The following GCNT2 variants were observed in gnomAD, a reference collection of about 807,000 sequenced individuals.
GCNT2 encodes glucosaminyl (N-acetyl) transferase 2 (I blood group).
In GCNT2, 34 loss-of-function variants were observed where a neutral mutation model predicts 34.2. That is an observed-to-expected ratio of 1.00 (90% CI 0.76 to 1.32). The LOEUF (loss-of-function observed/expected upper bound fraction) is 1.32. Among genes scored for constraint, GCNT2 ranks in the 40% most tolerant of loss-of-function variants. GCNT2 has a pLI of 0.00. For missense variants in GCNT2, 584 were observed against 489.4 expected (o/e 1.19, Z -1.82); for synonymous variants, 212 against 188.0 (o/e 1.13, Z -1.04).
intron 3 of GCNT2, among the ~76,000 whole-genome samples, chr6:10,563,756 GAAAAAAAAAA>G (rs55761102): frequency 2.5e-4 from 14 of 55,814 alleles, no homozygotes; most frequent in South Asian, 1.2e-3. Context: ...AAAGAAAAAA[GAAAAAAAAAA>G]AAAAAAAAAA....
intron 3 of GCNT2, among the ~76,000 whole-genome samples, chr6:10,619,886 C>T (rs1031496810): frequency 1.3e-5 from 2 of 152,214 alleles, no homozygotes; most frequent in Admixed American, 6.5e-5. Context: ...CACTCACATT[C>T]CTGGCTGGTG....
intron 3 of GCNT2, among the ~76,000 whole-genome samples, chr6:10,588,915 AG>A (rs1764485235): frequency 1.7e-5 from 1 of 57,806 alleles, no homozygotes; most frequent in Admixed American, 1.9e-4. Context: ...GTGTGTGTGT[AG>A]TGTGTGGTGT....
At chr6:10,610,726 T>C (rs1765511591) in intron 3 of GCNT2, among the ~76,000 whole-genome samples, 1 of 152,134 alleles carries the variant, frequency 6.6e-6, no homozygotes, top group African/African-American at 2.4e-5. Context: ...TGCAAGAAAG[T>C]ATTTGAATAA....
intron 3 of GCNT2, among the ~76,000 whole-genome samples, chr6:10,588,882 GT>G (rs1561821632): frequency 6.9e-6 from 1 of 145,190 alleles, no homozygotes; most frequent in Non-Finnish European, 1.5e-5. Flanking sequence ...GGGTATGTGT[GT>G]TTGTAGCGTG....
chr6:10,533,275 G>A (rs917120928), intron 3 of GCNT2, among the ~76,000 whole-genome samples: 3 of 151,808 alleles, frequency 2.0e-5, no homozygotes, highest in African/African-American at 4.8e-5. Context: ...CACTGCACTC[G>A]CGTCTGGGCG....
At chr6:10,622,191 G>T (rs1766063850) in intron 4 of GCNT2, among the ~76,000 whole-genome samples, 1 of 152,204 alleles carries the variant, frequency 6.6e-6, no homozygotes, top group Non-Finnish European at 1.5e-5. Flanking sequence ...TTTTGTGAAG[G>T]AGAGTTTTTA....
intron 3 of GCNT2, among the ~76,000 whole-genome samples, chr6:10,580,386 C>G (rs1273592593): frequency 1.3e-5 from 2 of 152,220 alleles, no homozygotes; most frequent in African/African-American, 4.8e-5. Context: ...CCTTCACCAG[C>G]TTCCCGCACT....
Position 10,529,215 on chromosome 6 carries a change from A to G in GCNT2, c.304A>G (p.Thr102Ala), listed in dbSNP as rs1176102906. Residue 102 changes from threonine (T) to alanine (A), a missense_variant, in exon 3 of 5, where the codon ACC becomes GCC. Physicochemically the swap from Thr to Ala is moderately conservative, Grantham distance 58 (BLOSUM62 0). Coordinates refer to ENST00000495262, the MANE Select transcript of GCNT2 (RefSeq NM_145649.5). ...EAGFPLAYTV[T>A]IHKDFGTFER... ...TGGGTTCCCTTTAGCTTACACAGTGACCATCCACAAAGACTTCGGCACTTT... is the reference window on the plus strand; with the variant it reads ...TGGGTTCCCTTTAGCTTACACAGTGGCCATCCACAAAGACTTCGGCACTTT... 6.2e-7 allele frequency: 1 copy of G among 1,614,208 alleles called. No individual in the cohort carries two copies. The highest frequency in any genetic ancestry group is 1.7e-5 in the Admixed American group (1 of 60,018).
chr6:10,545,754 A>C (rs1383872325), intron 3 of GCNT2, among the ~76,000 whole-genome samples: 1 of 152,134 alleles, frequency 6.6e-6, no homozygotes, highest in Non-Finnish European at 1.5e-5. Context: ...AATCAGGCAA[A>C]AGCCAGCAGT....
intron 3 of GCNT2, among the ~76,000 whole-genome samples, chr6:10,533,927 T>A (rs1036029480): frequency 6.6e-6 from 1 of 151,532 alleles, no homozygotes; most frequent in African/African-American, 2.4e-5. Context: ...TCATTGCTGG[T>A]GCAGTGGTCA....
chr6:10,557,493 CTT>C (rs34815041), intron 3 of GCNT2: 1,630 of 547,670 alleles, frequency 3.0e-3, no homozygotes, highest in Admixed American at 4.3e-3. Flanking sequence ...GAAAGATGTT[CTT>C]TTTTTTTTTT....
At chr6:10,574,149 C>T (rs544552370) in intron 3 of GCNT2, among the ~76,000 whole-genome samples, 4 of 152,160 alleles carry the variant, frequency 2.6e-5, no homozygotes, top group Admixed American at 2.6e-4. Context: ...AGAAAGGAAA[C>T]GGGGGCACGC....
At chr6:10,524,734 C>CA (rs1200575117) in intron 1 of GCNT2, among the ~76,000 whole-genome samples, 1 of 151,860 alleles carries the variant, frequency 6.6e-6, no homozygotes, top group Non-Finnish European at 1.5e-5. Context: ...GAGGCTGAGG[C>CA]AGGAGAATCA....
In GCNT2 at chr6:10,549,561, C is replaced by CTTTTTT. The variant is rs1425642393; in HGVS notation, c.925+19726_925+19727insTTTTTT. ...ACTTCCTTTCTCTCTCAATCTCTCT[C>CTTTTTT]TCTTTTTTTTTTTTTTTTTTTTTTT... On this transcript the variant is annotated intron_variant, in intron 3 of 4. Transcript: ENST00000495262. 1.6e-3 allele frequency among the ~76,000 whole-genome samples: 173 copies of CTTTTTT among 111,292 alleles called. 2 individuals carry two copies. The highest frequency in any genetic ancestry group is 7.2e-3 in the African/African-American group (170 of 23,658). 73.0% of individuals were successfully genotyped at this position (111,292 alleles called of 152,430 possible).
At chr6:10,596,201 CA>C in intron 3 of GCNT2, among the ~76,000 whole-genome samples, 1 of 152,080 alleles carries the variant, frequency 6.6e-6, no homozygotes, top group East Asian at 1.9e-4. Context: ...TTTAGGCATT[CA>C]AAGTAGGAGG....
At chr6:10,595,565 C>G (rs36023782) in intron 3 of GCNT2, among the ~76,000 whole-genome samples, 17,296 of 152,130 alleles carry the variant, frequency 0.11, 1,137 homozygotes, top group Middle Eastern at 0.17. Context: ...GCGTGCCACT[C>G]TGCCCGGCCG....
At chr6:10,536,495 C>T (rs896419891) in intron 3 of GCNT2, among the ~76,000 whole-genome samples, 1 of 151,582 alleles carries the variant, frequency 6.6e-6, no homozygotes, top group Non-Finnish European at 1.5e-5. Flanking sequence ...GCTGGGACTA[C>T]AGGCGCCCAC....
intron 3 of GCNT2, chr6:10,575,329 G>A (rs1763757454): frequency 6.0e-6 from 1 of 166,378 alleles, no homozygotes; most frequent in African/African-American, 2.4e-5. Context: ...ACTGGAAGAT[G>A]GTAGTTCTGG....
At chr6:10,588,409 A>G (rs1764449545) in intron 3 of GCNT2, among the ~76,000 whole-genome samples, 2 of 152,192 alleles carry the variant, frequency 1.3e-5, no homozygotes, top group Non-Finnish European at 2.9e-5. Flanking sequence ...TGTTAGCCTC[A>G]CGTACAGATG....
Sources: gnomAD v4.1 joint callset for allele counts (sites outside exome capture counted in the v4.1 genomes callset) on GRCh38, gnomAD v4.1.1 for gene constraint, MANE v1.5 for transcripts, NCBI Gene and HGNC (gene_info 2026-07-23, HGNC 2026-07-21) for gene names.